Variants in VWA3B observed in about 807,000 individuals in gnomAD.
VWA3B encodes von Willebrand factor A domain containing 3B.
Under a neutral mutation model 158.3 loss-of-function variants are expected in VWA3B, and 138 were observed. That is an observed-to-expected ratio of 0.87 (90% CI 0.76 to 1.00). The LOEUF is 1.00. VWA3B is among the 50% of genes least tolerant of loss of function. The probability of loss-of-function intolerance (pLI) is 0.00; values close to 1 mark genes in which losing one functional copy is unlikely to be tolerated. For synonymous variants in VWA3B, 596 were observed against 587.3 expected (o/e 1.01, Z -0.21); for missense variants, 1,555 against 1,565.1 (o/e 0.99, Z 0.11).
At chr2:98,256,253 C>T in intron 21 of VWA3B, 79 bp downstream of exon 21, 1 of 1,485,264 alleles carries the variant, frequency 6.7e-7, no homozygotes, top group Non-Finnish European at 9.2e-7. Flanking sequence ...TTAAAGTGTA[C>T]AATGCAGAGG....
At chr2:98,222,509 C>CA (rs1448996145) in intron 14 of VWA3B, among the ~76,000 whole-genome samples, 2 of 152,206 alleles carry the variant, frequency 1.3e-5, no homozygotes, top group African/African-American at 4.8e-5. Context: ...AGAGACACAT[C>CA]AGAGTGCGTT....
chr2:98,166,799 T>TACACACACACACACACACACACACAC (rs58860649), intron 8 of VWA3B, among the ~76,000 whole-genome samples: 34 of 145,934 alleles, frequency 2.3e-4, no homozygotes, highest in South Asian at 4.4e-4. Flanking sequence ...TTTAATCTAA[T>TACACACACACACACACACACACACAC]ACACACACAC....
chr2:98,189,541 A>G (rs1331649011), intron 10 of VWA3B, among the ~76,000 whole-genome samples: 1 of 152,182 alleles, frequency 6.6e-6, no homozygotes, highest in Non-Finnish European at 1.5e-5. Flanking sequence ...TGGAAAAAAA[A>G]AATATGGTTT....
intron 7 of VWA3B, among the ~76,000 whole-genome samples, chr2:98,155,528 A>G (rs1466872360): frequency 6.6e-6 from 1 of 152,202 alleles, no homozygotes; most frequent in African/African-American, 2.4e-5. Context: ...CATCTGTAAA[A>G]CGGGGATGAT....
chr2:98,240,230 AATAAGACAAT>A (rs1397613365), intron 19 of VWA3B, among the ~76,000 whole-genome samples: 2 of 152,216 alleles, frequency 1.3e-5, no homozygotes, highest in Admixed American at 1.3e-4. Context: ...AATAAACATG[AATAAGACAAT>A]ACCATATACA....
chr2:98,151,804 A>G (rs1677658929), intron 7 of VWA3B, among the ~76,000 whole-genome samples: 2 of 152,356 alleles, frequency 1.3e-5, no homozygotes, highest in South Asian at 4.1e-4. Context: ...GAATTAAAGC[A>G]TACGACACAC....
chr2:98,290,905 T>C (rs2105949294), intron 23 of VWA3B: 1 of 327,022 alleles, frequency 3.1e-6, no homozygotes, highest in African/African-American at 2.2e-5. Context: ...GTATGTAATA[T>C]TTTGAAAGTA....
At chr2:98,274,671 A>G (rs1688414532) in intron 22 of VWA3B, among the ~76,000 whole-genome samples, 1 of 152,216 alleles carries the variant, frequency 6.6e-6, no homozygotes, top group Non-Finnish European at 1.5e-5. Context: ...TTATGCCTGT[A>G]GGAAATGGAC....
At chr2:98,196,692 G>C (rs1308611218) in intron 12 of VWA3B, among the ~76,000 whole-genome samples, 1 of 152,124 alleles carries the variant, frequency 6.6e-6, no homozygotes, top group Admixed American at 6.6e-5. Context: ...CTCTTCCCCA[G>C]CTTTGCCACC....
intron 12 of VWA3B, among the ~76,000 whole-genome samples, chr2:98,203,470 CT>C (rs1175336421): frequency 6.6e-6 from 1 of 152,298 alleles, no homozygotes; most frequent in East Asian, 1.9e-4. Flanking sequence ...TATTGAAAAC[CT>C]TGCTGACATT....
At chr2:98,271,079 T>C (rs1310007470) in intron 22 of VWA3B, among the ~76,000 whole-genome samples, 196 bp downstream of exon 22, 1 of 151,534 alleles carries the variant, frequency 6.6e-6, no homozygotes, top group South Asian at 2.1e-4. Flanking sequence ...TATGGACTTA[T>C]TTTTAAAACA....
chr2:98,117,557 G>T (rs745863289), intron 3 of VWA3B, among the ~76,000 whole-genome samples: 6 of 152,100 alleles, frequency 3.9e-5, no homozygotes, highest in African/African-American at 7.2e-5. Flanking sequence ...TGGGGCAGCA[G>T]GGGGGCCATG....
chr2:98,178,620 TG>T (rs988335610), intron 8 of VWA3B, among the ~76,000 whole-genome samples: 2 of 152,212 alleles, frequency 1.3e-5, no homozygotes, highest in African/African-American at 4.8e-5. Flanking sequence ...CATCAGCTGA[TG>T]GGGTTACCAA....
intron 13 of VWA3B, among the ~76,000 whole-genome samples, chr2:98,213,957 G>A (rs1683758756): frequency 6.6e-6 from 1 of 152,156 alleles, no homozygotes; most frequent in South Asian, 2.1e-4. Context: ...TTGGTAGGCT[G>A]AGGCAGGAGG....
At chr2:98,236,276 G>T in intron 17 of VWA3B, 114 bp from the exon 18 acceptor site, 2 of 1,120,002 alleles carry the variant, frequency 1.8e-6, no homozygotes, top group Non-Finnish European at 2.6e-6. Flanking sequence ...TCTGAAATGT[G>T]GTCCATTTAT....
At chr2:98,239,741 G>A (rs181939057) in intron 19 of VWA3B, among the ~76,000 whole-genome samples, 161 of 151,772 alleles carry the variant, frequency 1.1e-3, no homozygotes, top group Admixed American at 1.7e-3. Context: ...GTGAAACTCC[G>A]TCTGTACTAA....
chr2:98,297,098 T>G (rs1689850373), intron 23 of VWA3B, among the ~76,000 whole-genome samples: 1 of 151,410 alleles, frequency 6.6e-6, no homozygotes, highest in Non-Finnish European at 1.5e-5. Context: ...TTTTTTTTTT[T>G]GAGACATAAT....
At chr2:98,217,482 T>C (rs1321334031) in intron 13 of VWA3B, among the ~76,000 whole-genome samples, 1 of 152,188 alleles carries the variant, frequency 6.6e-6, no homozygotes, top group African/African-American at 2.4e-5. Context: ...CGGTTGACCA[T>C]AGCATGTTGG....
At chr2:98,152,182 G>A (rs1677691776) in intron 7 of VWA3B, among the ~76,000 whole-genome samples, 1 of 152,224 alleles carries the variant, frequency 6.6e-6, no homozygotes, top group Non-Finnish European at 1.5e-5. Context: ...CTGACTCAGT[G>A]GTAAGTAGGG....
Sources: allele counts gnomAD v4.1 joint callset (sites outside exome capture counted in the v4.1 genomes callset), GRCh38; gene constraint gnomAD v4.1.1; transcripts MANE v1.5; gene names NCBI Gene and HGNC (gene_info 2026-07-23, HGNC 2026-07-21).